The following RACGAP1 variants were observed in gnomAD, a reference collection of about 807,000 sequenced individuals.
The protein encoded by RACGAP1 is rac GTPase-activating protein 1.
In RACGAP1, 30 loss-of-function variants were observed where a neutral mutation model predicts 78.1. The observed-to-expected ratio is 0.38, with a 90% CI of 0.29 to 0.52. The LOEUF (loss-of-function observed/expected upper bound fraction) is 0.52. Among genes scored for constraint, RACGAP1 ranks in the 20% least tolerant of loss-of-function variants. The pLI, the probability that RACGAP1 is intolerant of heterozygous loss-of-function variation, is 0.82. For synonymous variants in RACGAP1, 231 were observed against 264.8 expected, an observed-to-expected ratio of 0.87 and a Z score of 1.24; for missense variants, 587 against 777.1, an observed-to-expected ratio of 0.76 and a Z score of 2.91.
intron 2 of RACGAP1, among the ~76,000 whole-genome samples, chr12:50,011,449 A>T (rs1592195863): frequency 6.6e-6 from 1 of 151,912 alleles, no homozygotes; most frequent in South Asian, 2.1e-4. Flanking sequence ...ACATTTGCCC[A>T]GGTGCGGTAG....
intron 10 of RACGAP1, among the ~76,000 whole-genome samples, chr12:49,996,630 A>AG: frequency 1.4e-5 from 1 of 71,750 alleles, no homozygotes; most frequent in African/African-American, 7.2e-5. Context: ...AATAGAGCTA[A>AG]AAAAAAAAAA....
At chr12:50,020,059 T>TAG (rs1351318509) in intron 1 of RACGAP1, among the ~76,000 whole-genome samples, 1 of 152,224 alleles carries the variant, frequency 6.6e-6, no homozygotes, top group Non-Finnish European at 1.5e-5. Flanking sequence ...TTCAGAATTT[T>TAG]AGACCATTTT....
rs60924903 is a variant in RACGAP1 at position 49,997,252 on chromosome 12, T to C, written c.880-48A>G. 1.3e-3 allele frequency: 1,913 copies of C among 1,426,670 alleles called. 57 individuals are homozygous for C. The East Asian group carries it at 0.044, about 33-fold the overall frequency. 88.4% of individuals were successfully genotyped at this position (1,426,670 alleles called of 1,614,324 possible). On this transcript the variant is annotated intron_variant, in intron 9 of 16. Coordinates refer to ENST00000312377, the MANE Select transcript of RACGAP1 (RefSeq NM_001319999.2). ...GAACAGAGTGATATGAATTAGAAAA[T>C]TATCATCATAATCAACTAACTTTTT...
At chr12:50,000,340 C>T (rs1010721671) in intron 7 of RACGAP1, among the ~76,000 whole-genome samples, 3 of 151,592 alleles carry the variant, frequency 2.0e-5, no homozygotes, top group Admixed American at 6.6e-5. Flanking sequence ...TTAGTAGAGA[C>T]GGGATTTCGC....
upstream of RACGAP1, among the ~76,000 whole-genome samples, chr12:50,026,372 G>T (rs1950266569): frequency 6.6e-6 from 1 of 151,678 alleles, no homozygotes; most frequent in African/African-American, 2.4e-5. Flanking sequence ...AGAAAAGAAA[G>T]ATCACAGATT....
intron 2 of RACGAP1, among the ~76,000 whole-genome samples, chr12:50,014,675 G>A (rs1341938138): frequency 6.6e-6 from 1 of 151,818 alleles, no homozygotes; most frequent in Non-Finnish European, 1.5e-5. Flanking sequence ...TCCCACCTCA[G>A]CCTCCCAGGT....
chr12:50,025,918 TTTTA>T (rs1431775580), upstream of RACGAP1, among the ~76,000 whole-genome samples: 1 of 152,212 alleles, frequency 6.6e-6, no homozygotes, highest in Non-Finnish European at 1.5e-5. Flanking sequence ...CCATTCAGAC[TTTTA>T]TTTGACACAC....
At position 50,016,066 on chromosome 12, in the gene RACGAP1, T is replaced by C. The variant is rs535576089; in HGVS notation, c.85+565A>G. The stretch of plus-strand genomic sequence containing the variant: ...ATGGCACAGAAAATAGTGCCAACTA[T>C]TCAGTGGAAAAAGAATCTTGATAAT... On this transcript the variant is annotated intron_variant, in intron 2 of 16. Transcript: ENST00000312377. 1.1e-4 allele frequency among the ~76,000 whole-genome samples: 17 copies of C among 152,026 alleles called. No homozygotes were observed. The East Asian group carries it at 3.3e-3, about 30-fold the overall frequency.
chr12:50,030,243 C>G (rs1309283096), upstream of RACGAP1, among the ~76,000 whole-genome samples: 1 of 150,926 alleles, frequency 6.6e-6, no homozygotes, highest in Non-Finnish European at 1.5e-5. Context: ...CAGCTACTTG[C>G]AAGCCTGAGG....
intron 6 of RACGAP1, 44 bp from the exon 7 acceptor site, chr12:50,001,296 C>G: frequency 1.4e-6 from 2 of 1,470,050 alleles, no homozygotes; most frequent in African/African-American, 1.4e-5. Context: ...CCAAGCAGAT[C>G]TGAAGCACAG....
intron 3 of RACGAP1, among the ~76,000 whole-genome samples, chr12:50,005,652 G>A (rs1327522250): frequency 6.6e-6 from 1 of 152,172 alleles, no homozygotes; most frequent in Non-Finnish European, 1.5e-5. Flanking sequence ...AATCCAAGAG[G>A]AGAATAATGC....
intron 2 of RACGAP1, among the ~76,000 whole-genome samples, chr12:50,016,211 G>A (rs1022115062): frequency 7.2e-5 from 11 of 151,912 alleles, no homozygotes; most frequent in East Asian, 1.9e-4. Flanking sequence ...GCAAAATCCC[G>A]TCTCTACTAA....
At chr12:49,991,479 A>ATATATATATATATATTTTTTTTTTTT (rs1555169074) in intron 15 of RACGAP1, among the ~76,000 whole-genome samples, 1 of 24,094 alleles carries the variant, frequency 4.2e-5, no homozygotes, top group African/African-American at 1.4e-4. Flanking sequence ...ATATATATAT[A>ATATATATATATATATTTTTTTTTTTT]TTTTTTTTTT....
intron 1 of RACGAP1, chr12:50,018,694 T>C (rs1345718850): frequency 1.1e-5 from 5 of 436,030 alleles, no homozygotes; most frequent in Non-Finnish European, 1.8e-5. Flanking sequence ...GACAGCTCAA[T>C]ACCACGGCAA....
intron 10 of RACGAP1, 124 bp from the exon 11 acceptor site, chr12:49,994,633 C>A: frequency 7.1e-7 from 1 of 1,401,898 alleles, no homozygotes; most frequent in Non-Finnish European, 9.4e-7. Context: ...CTTTTACATT[C>A]CTATTCCCAA....
At chr12:50,023,912 A>G (rs946840736) in intron 1 of RACGAP1, among the ~76,000 whole-genome samples, 2 of 152,192 alleles carry the variant, frequency 1.3e-5, no homozygotes, top group Non-Finnish European at 2.9e-5. Flanking sequence ...CTGTAATCCC[A>G]GCACTTTGGG....
chr12:50,011,226 TG>T (rs1038414702), intron 2 of RACGAP1, among the ~76,000 whole-genome samples: 1 of 145,780 alleles, frequency 6.9e-6, no homozygotes, highest in Non-Finnish European at 1.5e-5. Flanking sequence ...CCCAGCTACT[TG>T]GGAGGCTGAG....
At chr12:50,016,061 A>G (rs1949657670) in intron 2 of RACGAP1, among the ~76,000 whole-genome samples, 1 of 152,082 alleles carries the variant, frequency 6.6e-6, no homozygotes, top group South Asian at 2.1e-4. Flanking sequence ...AAATAGTGCC[A>G]ACTATTCAGT....
chr12:50,015,363 G>C (rs1339087935), intron 2 of RACGAP1, among the ~76,000 whole-genome samples: 1 of 152,042 alleles, frequency 6.6e-6, no homozygotes, highest in African/African-American at 2.4e-5. Context: ...CAAATGCCTA[G>C]TATCTCCTTC....
Sources: allele counts gnomAD v4.1 joint callset (sites outside exome capture counted in the v4.1 genomes callset), GRCh38; gene constraint gnomAD v4.1.1; transcripts MANE v1.5; gene names NCBI Gene and HGNC (gene_info 2026-07-23, HGNC 2026-07-21).